BABAM2: variants seen among roughly 807,000 people sequenced by gnomAD.
BABAM2 encodes BRISC and BRCA1 A complex member 2.
BABAM2 carries 31 observed loss-of-function variants against 54.7 expected under a neutral mutation model. That is an observed-to-expected ratio of 0.57 (90% CI 0.43 to 0.77). BABAM2 has a LOEUF of 0.77. Among genes scored for constraint, BABAM2 ranks in the 30% least tolerant of loss-of-function variants. The pLI is 0.00. For synonymous variants in BABAM2, 167 were observed against 162.9 expected, an observed-to-expected ratio of 1.03 and a Z score of -0.19; for missense variants, 364 against 455.8, an observed-to-expected ratio of 0.80 and a Z score of 1.83.
intron 5 of BABAM2, among the ~76,000 whole-genome samples, chr2:28,029,436 TG>T (rs1676135995): frequency 6.6e-6 from 1 of 152,062 alleles, no homozygotes; most frequent in Admixed American, 6.5e-5. Flanking sequence ...ATACTTCATA[TG>T]GGTAGAATTG....
chr2:28,144,793 A>C (rs1212221299), intron 7 of BABAM2, among the ~76,000 whole-genome samples: 1 of 152,234 alleles, frequency 6.6e-6, no homozygotes, highest in African/African-American at 2.4e-5. Flanking sequence ...CTGAAGACAC[A>C]TGGAGATATT....
intron 3 of BABAM2, among the ~76,000 whole-genome samples, chr2:27,956,289 G>T (rs1369335828): frequency 6.6e-6 from 1 of 152,040 alleles, no homozygotes; most frequent in Non-Finnish European, 1.5e-5. Context: ...TAAACTTTTT[G>T]AAGGCCAAAT....
chr2:27,907,258 T>C (rs899678884), intron 2 of BABAM2, among the ~76,000 whole-genome samples: 2 of 151,742 alleles, frequency 1.3e-5, no homozygotes, highest in Non-Finnish European at 2.9e-5. Flanking sequence ...AATACATCTT[T>C]TTTTTTTTTG....
At chr2:28,176,687 A>G (rs1249382240) in intron 7 of BABAM2, among the ~76,000 whole-genome samples, 1 of 151,116 alleles carries the variant, frequency 6.6e-6, no homozygotes, top group Admixed American at 6.6e-5. Flanking sequence ...CCAAAGAGAT[A>G]GATATCCTTA....
chr2:27,938,010 C>T lies in BABAM2; in HGVS notation c.205+8102C>T, dbSNP rs190973855. Among the ~76,000 whole-genome samples the T allele has an allele frequency of 3.2e-3, 490 of 152,246 alleles. 6 individuals are homozygous for T. Among genetic ancestry groups the T allele is most frequent in the Middle Eastern group, 3.4e-3 (1 of 294 alleles). On this transcript the variant is annotated intron_variant, in intron 3 of 11. Transcript: ENST00000379624. ...TGATGAAAGGTAAGGGCTAGTGTTA[C>T]TCCTCTTCATGTGGATATGCAGTTT...
intron 7 of BABAM2, among the ~76,000 whole-genome samples, chr2:28,171,037 A>G (rs996937542): frequency 6.6e-6 from 1 of 152,142 alleles, no homozygotes; most frequent in Non-Finnish European, 1.5e-5. Context: ...GAATATACAA[A>G]GGTATGTGAA....
chr2:28,179,810 T>C (rs1380952588), intron 7 of BABAM2, among the ~76,000 whole-genome samples: 1 of 152,078 alleles, frequency 6.6e-6, no homozygotes, highest in Middle Eastern at 3.2e-3. Flanking sequence ...ACAAAATAAA[T>C]AGTGTTTCTA....
chr2:27,897,555 T>A (rs1248677422), intron 2 of BABAM2, among the ~76,000 whole-genome samples: 1 of 152,122 alleles, frequency 6.6e-6, no homozygotes, highest in Non-Finnish European at 1.5e-5. Context: ...TTTTTTCTTC[T>A]AAAAGTTAAC....
At chr2:27,968,038 T>C (rs945857113) in intron 3 of BABAM2, among the ~76,000 whole-genome samples, 4 of 152,134 alleles carry the variant, frequency 2.6e-5, no homozygotes, top group Non-Finnish European at 2.9e-5. Flanking sequence ...GAAGAGAAAA[T>C]TCAAGCTGGC....
intron 7 of BABAM2, among the ~76,000 whole-genome samples, chr2:28,216,006 T>G (rs752095758): frequency 2.6e-5 from 4 of 152,228 alleles, no homozygotes; most frequent in Non-Finnish European, 5.9e-5. Flanking sequence ...ATGCTAATTT[T>G]GAAATCAATG....
Position 27,995,122 on chromosome 2 carries a change from GC to G in BABAM2, c.300+7036del, listed in dbSNP as rs150882369. On this transcript the variant is annotated intron_variant, in intron 4 of 11. Transcript: ENST00000379624. The surrounding 1 kb of genome is among the most constrained non-coding windows in gnomAD (Gnocchi z 4.1). ...CTACCTCCTTGTTGGAGAGGGTGTGGCTGCAGGCTACGGGAAGATGAAGACC... is the reference window on the plus strand; with the variant it reads ...CTACCTCCTTGTTGGAGAGGGTGTGGTGCAGGCTACGGGAAGATGAAGACC... 2.5e-3 allele frequency among the ~76,000 whole-genome samples: 383 copies of G among 152,270 alleles called. 2 individuals carry two copies. The highest frequency in any genetic ancestry group is 8.8e-3 in the African/African-American group (367 of 41,566).
intron 2 of BABAM2, among the ~76,000 whole-genome samples, chr2:27,900,309 C>T (rs796694614): frequency 1.6e-4 from 25 of 151,560 alleles, no homozygotes; most frequent in African/African-American, 5.6e-4. Flanking sequence ...TCTAAGTTAT[C>T]TATATTCTAG....
At chr2:28,016,418 G>A (rs1674818473) in intron 4 of BABAM2, 2 of 1,407,050 alleles carry the variant, frequency 1.4e-6, no homozygotes, top group Middle Eastern at 1.8e-4. Flanking sequence ...AGACTGGATT[G>A]GACCCCTTGA....
chr2:28,240,826 C>T (rs1011417617), intron 8 of BABAM2, among the ~76,000 whole-genome samples: 10 of 148,240 alleles, frequency 6.7e-5, no homozygotes, highest in African/African-American at 1.7e-4. Flanking sequence ...GCTAAGATCG[C>T]GCCATTGCAC....
At chr2:28,201,988 T>C (rs906104677) in intron 7 of BABAM2, among the ~76,000 whole-genome samples, 22 of 152,162 alleles carry the variant, frequency 1.4e-4, no homozygotes, top group East Asian at 1.2e-3. Flanking sequence ...CGGGGCCCAG[T>C]TGGCCAGGGG....
At chr2:27,961,722 C>CTTTTTTTTTTTTTTTTTT (rs5830058) in intron 3 of BABAM2, among the ~76,000 whole-genome samples, 1 of 99,090 alleles carries the variant, frequency 1.0e-5, no homozygotes. Flanking sequence ...CCTTAATTAT[C>CTTTTTTTTTTTTTTTTTT]TTTTTTTTTT....
intron 7 of BABAM2, among the ~76,000 whole-genome samples, chr2:28,129,970 A>C (rs1295683782): frequency 6.6e-6 from 1 of 152,230 alleles, no homozygotes; most frequent in Non-Finnish European, 1.5e-5. Context: ...ATTCATCAGT[A>C]ATGAATTTTG....
intron 3 of BABAM2, among the ~76,000 whole-genome samples, chr2:27,957,668 T>C: frequency 6.6e-6 from 1 of 152,206 alleles, no homozygotes; most frequent in Admixed American, 6.5e-5. Flanking sequence ...TAGCAGACTG[T>C]GTTTTCCAAA....
chr2:27,942,395 A>G (rs1419669972), intron 3 of BABAM2, among the ~76,000 whole-genome samples: 1 of 151,892 alleles, frequency 6.6e-6, no homozygotes, highest in Non-Finnish European at 1.5e-5. Flanking sequence ...GGGTCTCGCC[A>G]TGTCACCCAG....
Sources: allele counts gnomAD v4.1 joint callset (sites outside exome capture counted in the v4.1 genomes callset), GRCh38; gene constraint gnomAD v4.1.1; non-coding constraint Gnocchi (gnomAD v3.1); transcripts MANE v1.5; gene names NCBI Gene and HGNC (gene_info 2026-07-23, HGNC 2026-07-21).